FANCC: variants seen among roughly 807,000 people sequenced by gnomAD.
FANCC encodes the protein Fanconi anemia group C protein.
FANCC carries 55 observed loss-of-function variants against 71.3 expected under a neutral mutation model. That is an observed-to-expected ratio of 0.77 (90% CI 0.62 to 0.97). FANCC has a LOEUF of 0.97. FANCC is among the 50% of genes least tolerant of loss of function. The pLI is 0.00. For missense variants in FANCC, 678 were observed against 670.9 expected (o/e 1.01, Z -0.12); for synonymous variants, 275 against 244.9 (o/e 1.12, Z -1.15).
chr9:95,310,419 TC>T, intron 1 of FANCC, among the ~76,000 whole-genome samples: 1 of 151,640 alleles, frequency 6.6e-6, no homozygotes, highest in African/African-American at 2.4e-5. Flanking sequence ...AACTGGCAAG[TC>T]CAGAAACAGG....
intron 2 of FANCC, 73 bp from the exon 3 acceptor site, chr9:95,247,589 T>C: frequency 4.2e-6 from 4 of 960,642 alleles, no homozygotes; most frequent in Admixed American, 3.4e-5. Flanking sequence ...ACATTATAGA[T>C]TGAGGGAACG....
intron 6 of FANCC, among the ~76,000 whole-genome samples, chr9:95,163,589 C>A (rs1019163567): frequency 6.6e-6 from 1 of 152,210 alleles, no homozygotes; most frequent in Non-Finnish European, 1.5e-5. Context: ...GTGGCTTACA[C>A]CTGTAATCCC....
chr9:95,204,843 G>A (rs1213365175), intron 4 of FANCC, among the ~76,000 whole-genome samples: 1 of 152,076 alleles, frequency 6.6e-6, no homozygotes, highest in Admixed American at 6.6e-5. Context: ...CTGCCACAGG[G>A]TCCCACATCA....
intron 1 of FANCC, chr9:95,293,895 G>T: frequency 1.2e-6 from 2 of 1,600,668 alleles, no homozygotes; most frequent in South Asian, 2.2e-5. Context: ...AGACATTTTT[G>T]AGTGTTCATT....
intron 1 of FANCC, among the ~76,000 whole-genome samples, chr9:95,277,658 T>G (rs1287446111): frequency 6.6e-6 from 1 of 152,104 alleles, no homozygotes; most frequent in Non-Finnish European, 1.5e-5. Flanking sequence ...GAGAAAGTCT[T>G]AAAAGCAGAA....
rs189962892 is a variant in FANCC, at chr9:95,191,192, C to T, written c.346-19045G>A. On this transcript the variant is annotated intron_variant, in intron 4 of 14. Coordinates refer to ENST00000289081, the MANE Select transcript of FANCC (RefSeq NM_000136.3). ...CTGAACTCCAGGCCAACTTCCCCTT[C>T]GGCCTTGCATCTGGGCAGGTCAACA... 2.6e-3 allele frequency among the ~76,000 whole-genome samples: 390 copies of T among 152,264 alleles called. 4 individuals carry two copies. The highest frequency in any genetic ancestry group is 8.9e-3 in the African/African-American group (369 of 41,550).
intron 1 of FANCC, among the ~76,000 whole-genome samples, chr9:95,271,011 A>T (rs564661035): frequency 1.3e-5 from 2 of 152,150 alleles, no homozygotes; most frequent in Non-Finnish European, 2.9e-5. Flanking sequence ...TTTGAGTGGG[A>T]TAAGAATGGG....
intron 3 of FANCC, among the ~76,000 whole-genome samples, chr9:95,246,708 T>C (rs770095588): frequency 1.3e-5 from 2 of 152,192 alleles, no homozygotes; most frequent in African/African-American, 2.4e-5. Context: ...CAGCAGCTCC[T>C]ACCTCAGGCC....
At chr9:95,296,741 G>C (rs1486246020) in intron 1 of FANCC, among the ~76,000 whole-genome samples, 1 of 152,146 alleles carries the variant, frequency 6.6e-6, no homozygotes, top group African/African-American at 2.4e-5. Flanking sequence ...CCAAAATAAA[G>C]AACATCAAAC....
At chr9:95,136,218 T>C (rs1827670907) in intron 7 of FANCC, among the ~76,000 whole-genome samples, 1 of 152,084 alleles carries the variant, frequency 6.6e-6, no homozygotes, top group Non-Finnish European at 1.5e-5. Flanking sequence ...AGTGAGGCCC[T>C]GCTTCTACAA....
intron 11 of FANCC, 135 bp downstream of exon 11, chr9:95,117,180 G>T: frequency 1.3e-6 from 1 of 792,232 alleles, no homozygotes. Context: ...GGATCCTGGG[G>T]GCTTAAAGGG....
intron 3 of FANCC, 62 bp downstream of exon 3, chr9:95,247,370 C>T (rs1027747435): frequency 8.3e-7 from 1 of 1,205,364 alleles, no homozygotes; most frequent in African/African-American, 1.5e-5. Flanking sequence ...TAATGTAAGC[C>T]TCTGTGAAAC....
Position 95,149,905 on chromosome 9 carries a change from G to A in FANCC, c.686+18C>T, listed in dbSNP as rs1215239877. On this transcript the variant is annotated intron_variant, in intron 7 of 14. Transcript: ENST00000289081. ...AAGGAAAAACGACGCAGGATGACAG[G>A]AAACATTTGCCACTTACAGCAAAAT... The A allele has an allele frequency of 6.3e-7, 1 of 1,584,836 alleles. No homozygotes were observed. Among genetic ancestry groups the A allele is most frequent in the South Asian group, 1.1e-5 (1 of 87,056 alleles).
intron 6 of FANCC, among the ~76,000 whole-genome samples, chr9:95,157,578 G>A (rs933825982): frequency 6.6e-6 from 1 of 152,220 alleles, no homozygotes; most frequent in Admixed American, 6.5e-5. Flanking sequence ...CTAGCCTTCT[G>A]CAGTTGAATT....
At chr9:95,259,564 T>G (rs752475386) in intron 1 of FANCC, among the ~76,000 whole-genome samples, 1 of 152,148 alleles carries the variant, frequency 6.6e-6, no homozygotes, top group Non-Finnish European at 1.5e-5. Flanking sequence ...AAGACTTAAA[T>G]GTAAGACCTA....
chr9:95,275,208 TAGGAGGTAGATGTTGC>T (rs894763961), intron 1 of FANCC, among the ~76,000 whole-genome samples: 11 of 151,504 alleles, frequency 7.3e-5, no homozygotes, highest in African/African-American at 2.4e-4. Context: ...CACCTGAGCC[TAGGAGGTAGATGTTGC>T]AGTGAGCTAT....
At chr9:95,241,706 C>G (rs1830643080) in intron 3 of FANCC, among the ~76,000 whole-genome samples, 1 of 152,212 alleles carries the variant, frequency 6.6e-6, no homozygotes, top group South Asian at 2.1e-4. Flanking sequence ...GTCACCCAGG[C>G]TGGAGTGCAG....
chr9:95,133,784 T>C (rs1374249932), intron 8 of FANCC, among the ~76,000 whole-genome samples: 4 of 152,234 alleles, frequency 2.6e-5, no homozygotes, highest in Non-Finnish European at 5.9e-5. Flanking sequence ...ACTGAAATCC[T>C]AGTATGCACA....
At chr9:95,267,788 T>C (rs1250182810) in intron 1 of FANCC, among the ~76,000 whole-genome samples, 1 of 151,842 alleles carries the variant, frequency 6.6e-6, no homozygotes, top group African/African-American at 2.4e-5. Context: ...AATAAGAAAG[T>C]ATAAATTGAA....
Sources: allele counts gnomAD v4.1 joint callset (sites outside exome capture counted in the v4.1 genomes callset), GRCh38; gene constraint gnomAD v4.1.1; transcripts MANE v1.5; gene names NCBI Gene and HGNC (gene_info 2026-07-23, HGNC 2026-07-21).